Variants in PPIP5K2 observed in about 807,000 individuals in gnomAD.
The protein encoded by PPIP5K2 is inositol hexakisphosphate and diphosphoinositol-pentakisphosphate kinase 2.
A neutral mutation model predicts 154.6 loss-of-function variants in PPIP5K2; 105 were observed. That is an observed-to-expected ratio of 0.68 (90% CI 0.58 to 0.80). The LOEUF (loss-of-function observed/expected upper bound fraction) is 0.80. Ranked by LOEUF, PPIP5K2 falls within the 30% of genes least tolerant of loss-of-function variation. The pLI, the probability that PPIP5K2 is intolerant of heterozygous loss-of-function variation, is 0.00. For missense variants in PPIP5K2, 992 were observed against 1,504.6 expected, an observed-to-expected ratio of 0.66 and a Z score of 5.64; for synonymous variants, 480 against 490.3, an observed-to-expected ratio of 0.98 and a Z score of 0.28.
intron 18 of PPIP5K2, among the ~76,000 whole-genome samples, chr5:103,167,802 A>G (rs1222542968): frequency 6.6e-6 from 1 of 151,916 alleles, no homozygotes; most frequent in Non-Finnish European, 1.5e-5. Context: ...TTGAAAATAT[A>G]TGAGCTTAAA....
chr5:103,154,856 A>C lies in PPIP5K2; in HGVS notation c.1316A>C (p.Gln439Pro). Residue 439 changes from glutamine (Q) to proline (P), a missense_variant, in exon 13 of 31, where the codon CAG (glutamine) becomes CCG (proline). Transcript: ENST00000358359. ...QLQEVLDIAR[Q>P]LLMELGQNND... Reference sequence around the variant, plus strand: ...TAGGAAGTGCTAGATATTGCACGACAGCTTCTTATGGAGCTAGGGCAAAAT... The same window carrying C: ...TAGGAAGTGCTAGATATTGCACGACCGCTTCTTATGGAGCTAGGGCAAAAT... 6.3e-7 allele frequency: 1 copy of C among 1,599,388 alleles called. No individual in the cohort carries two copies. Among genetic ancestry groups the C allele is most frequent in the Non-Finnish European group, 8.5e-7 (1 of 1,174,888 alleles).
rs552863798 is a variant in PPIP5K2 at position 103,204,090 on chromosome 5, G to A, written c.*2456G>A. On this transcript the variant is annotated 3_prime_UTR_variant, in exon 31 of 31. Transcript: ENST00000358359. ...TTAAAACTCACTAGCCAAGGAAAAAGTTTCTGTTTTCACCCGGATTTCTTT... is the reference window on the plus strand; with the variant it reads ...TTAAAACTCACTAGCCAAGGAAAAAATTTCTGTTTTCACCCGGATTTCTTT... 1.3e-5 allele frequency: 2 copies of A among 152,258 alleles called. No individual in the cohort carries two copies. The highest frequency in any genetic ancestry group is 2.9e-5 in the Non-Finnish European group (2 of 68,002). 9.4% of individuals were successfully genotyped at this position (152,258 alleles called of 1,614,324 possible). A position where few individuals can be genotyped will look rare whatever the true frequency, so the allele number is the denominator to read the frequency against.
intron 9 of PPIP5K2, 34 bp from the exon 10 acceptor site, chr5:103,152,614 A>G (rs781988688): frequency 7.3e-7 from 1 of 1,373,352 alleles, no homozygotes; most frequent in Non-Finnish European, 1.0e-6. Flanking sequence ...CTTAAAACGT[A>G]CTAATTTTAA....
At chr5:103,126,505 T>C (rs1241604237) in intron 1 of PPIP5K2, among the ~76,000 whole-genome samples, 1 of 152,204 alleles carries the variant, frequency 6.6e-6, no homozygotes, top group Non-Finnish European at 1.5e-5. Flanking sequence ...GTCAGGGTTC[T>C]CTAGAGGGAC....
chr5:103,173,575 C>A (rs192029660), intron 20 of PPIP5K2, among the ~76,000 whole-genome samples: 1 of 152,030 alleles, frequency 6.6e-6, no homozygotes, highest in East Asian at 1.9e-4. Context: ...TCTATAACCT[C>A]TGTCATTGCT....
chr5:103,183,133 TTCTG>T, intron 24 of PPIP5K2, 97 bp from the exon 25 acceptor site: 2 of 1,043,304 alleles, frequency 1.9e-6, no homozygotes, highest in African/African-American at 3.3e-5. Context: ...TTTTTTTTCT[TTCTG>T]ATCATTTGGC....
chr5:103,155,840 G>A (rs1304131473), intron 13 of PPIP5K2, 69 bp from the exon 14 acceptor site: 2 of 975,114 alleles, frequency 2.1e-6, no homozygotes, highest in Non-Finnish European at 3.2e-6. Context: ...ACAAATAAAA[G>A]GGAGCATGAA....
chr5:103,191,274 C>T (rs1015758517), intron 29 of PPIP5K2, among the ~76,000 whole-genome samples: 1 of 151,832 alleles, frequency 6.6e-6, no homozygotes, highest in Non-Finnish European at 1.5e-5. Context: ...ACTATGTTTG[C>T]TAGAAATCTC....
At chr5:103,129,728 C>G (rs527893427) in intron 2 of PPIP5K2, 25 bp downstream of exon 2, 4 of 1,580,694 alleles carry the variant, frequency 2.5e-6, no homozygotes, top group Non-Finnish European at 3.4e-6. Flanking sequence ...TTTCCTTTGG[C>G]GAGAGAAGAC....
chr5:103,158,599 A>G (rs373201920), intron 16 of PPIP5K2, 26 bp downstream of exon 16: 2 of 1,536,806 alleles, frequency 1.3e-6, no homozygotes, highest in Non-Finnish European at 1.7e-6. Context: ...TTTTAGAATT[A>G]TTAGAGTTTT....
chr5:103,130,906 T>C (rs1191059120), intron 2 of PPIP5K2, among the ~76,000 whole-genome samples: 1 of 152,150 alleles, frequency 6.6e-6, no homozygotes, highest in Non-Finnish European at 1.5e-5. Flanking sequence ...TCTACATCCA[T>C]ACCTCTCTCC....
Position 103,120,583 on chromosome 5 carries a change from C to T in PPIP5K2, c.-285+95C>T, listed in dbSNP as rs1554198662. 8 of 452,114 alleles carry T rather than the reference C, an allele frequency of 1.8e-5. No homozygotes were observed. In the Admixed American group the frequency reaches 1.9e-4, roughly 11 times the overall value. The allele number at this position is 452,114 out of a possible 1,614,324, so 28.0% of individuals were successfully genotyped here. On this transcript the variant is annotated intron_variant, in intron 1 of 30. Coordinates refer to ENST00000358359, the MANE Select transcript of PPIP5K2 (RefSeq NM_001276277.3). ...GGGCTTCTGCTTTGTCTCCTGTGCT[C>T]TGCAGACCCTAAACACATGCTCCAC...
At chr5:103,167,146 C>A (rs1258908930) in intron 17 of PPIP5K2, 33 bp from the exon 18 acceptor site, 2 of 1,435,840 alleles carry the variant, frequency 1.4e-6, no homozygotes, top group South Asian at 1.5e-5. Flanking sequence ...TAGGCATAAC[C>A]AGATATAAAA....
At chr5:103,194,017 A>G (rs1554227680) in intron 29 of PPIP5K2, among the ~76,000 whole-genome samples, 1 of 152,224 alleles carries the variant, frequency 6.6e-6, no homozygotes, top group African/African-American at 2.4e-5. Flanking sequence ...ACTGGCTAAT[A>G]TAGGAAAATA....
At position 103,168,125 on chromosome 5, in the gene PPIP5K2, A is replaced by T; in HGVS notation, c.2116A>T (p.Lys706Ter). 6.2e-7 allele frequency: 1 copy of T among 1,610,542 alleles called. No individual in the cohort carries two copies. Among genetic ancestry groups the T allele is most frequent in the Non-Finnish European group, 8.5e-7 (1 of 1,177,576 alleles). The change falls in exon 19 of 31, where the codon AAG becomes TAG. Residue 706 changes from lysine to a stop codon, truncating the protein, a stop_gained. Transcript: ENST00000358359. LOFTEE classifies it high-confidence loss of function. The stretch of plus-strand genomic sequence containing the variant: ...GGAGCTTATGCTACGTAGATGGTCC[A>T]AGTTAGAGAAAGACTTTAAAACAAA... The part of the protein sequence containing the change: ...TLELMLRRWS[K>*]LEKDFKTKNG...
At position 103,187,342 on chromosome 5, in the gene PPIP5K2, GT is replaced by G; in HGVS notation, c.3322del (p.Ser1108LeufsTer24). The G allele has an allele frequency of 6.5e-7, 1 of 1,535,122 alleles. No homozygotes were observed. Among genetic ancestry groups the G allele is most frequent in the Non-Finnish European group, 8.7e-7 (1 of 1,146,186 alleles). ...DATRGSAVKR[F>X]SISFARHPTN... ...CCACACGCGGTTCTGCTGTTAAAAG[GT>G]TTTCTATCTCATTTGCTCGACACCC... is the stretch of plus-strand genomic sequence containing the variant. On this transcript the variant is annotated frameshift_variant, in exon 28 of 31. Coordinates refer to ENST00000358359, the MANE Select transcript of PPIP5K2 (RefSeq NM_001276277.3). LOFTEE classifies it high-confidence loss of function.
Position 103,162,770 on chromosome 5 carries a change from C to T in PPIP5K2, c.1920+3442C>T, listed in dbSNP as rs913191501. ...AATATATTGTTTAAGATATCTTTTTCGGAGAAGAGGCCATAAGATATATAT... is the reference window on the plus strand; with the variant it reads ...AATATATTGTTTAAGATATCTTTTTTGGAGAAGAGGCCATAAGATATATAT... On this transcript the variant is annotated intron_variant, in intron 17 of 30. Transcript: ENST00000358359. 7.9e-5 allele frequency among the ~76,000 whole-genome samples: 12 copies of T among 152,056 alleles called. No homozygotes were observed. The East Asian group carries it at 1.7e-3, about 22-fold the overall frequency.
At chr5:103,180,988 T>TA (rs1394073278) in intron 24 of PPIP5K2, among the ~76,000 whole-genome samples, 2 of 152,102 alleles carry the variant, frequency 1.3e-5, no homozygotes, top group African/African-American at 4.8e-5. Flanking sequence ...GAATGTTTGA[T>TA]AATATAATAA....
chr5:103,193,489 A>G (rs1452444255), intron 29 of PPIP5K2, among the ~76,000 whole-genome samples: 3 of 151,930 alleles, frequency 2.0e-5, no homozygotes, highest in African/African-American at 7.3e-5. Flanking sequence ...ATAGCTTACA[A>G]TGGGGAAGTG....
Sources: allele counts gnomAD v4.1 joint callset (sites outside exome capture counted in the v4.1 genomes callset), GRCh38; gene constraint gnomAD v4.1.1; transcripts MANE v1.5; gene names NCBI Gene and HGNC (gene_info 2026-07-23, HGNC 2026-07-21).